CENATAC: variants seen among roughly 807,000 people sequenced by gnomAD.
The protein encoded by CENATAC is coiled-coil domain containing 84.
In CENATAC, 53 loss-of-function variants were observed where a neutral mutation model predicts 53.7. That is an observed-to-expected ratio of 0.99 (90% CI 0.79 to 1.24). CENATAC has a LOEUF of 1.24. CENATAC is among the 50% of genes most tolerant of loss of function. The pLI, the probability that CENATAC is intolerant of heterozygous loss-of-function variation, is 0.00. For missense variants in CENATAC, 474 were observed against 417.8 expected (o/e 1.13, Z -1.17); for synonymous variants, 156 against 144.6 (o/e 1.08, Z -0.57).
rs1376099368 is a variant in CENATAC at position 119,010,693 on chromosome 11, T to C, written c.384-71T>C. The stretch of plus-strand genomic sequence containing the variant: ...GGAATTTCTCAAAATTAAAAAAATA[T>C]CTACTGAGGAGCTTTTCGTTTTAAC... On this transcript the variant is annotated intron_variant, in intron 3 of 10. Transcript: ENST00000334418. The C allele has an allele frequency of 4.9e-5, 65 of 1,316,888 alleles. 1 individual carries two copies. Among genetic ancestry groups the C allele is most frequent in the Non-Finnish European group, 6.6e-5 (61 of 926,734 alleles). The allele number at this position is 1,316,888 out of a possible 1,614,324, so 81.6% of individuals were successfully genotyped here.
At chr11:119,014,798 C>G in intron 8 of CENATAC, 196 bp from the exon 9 acceptor site, 1 of 428,566 alleles carries the variant, frequency 2.3e-6, no homozygotes, top group Non-Finnish European at 4.1e-6. Flanking sequence ...GCCTCAAAGC[C>G]ATTTTAAAAT....
At chr11:119,002,054 T>A (rs910171697) in intron 3 of CENATAC, among the ~76,000 whole-genome samples, 1 of 151,368 alleles carries the variant, frequency 6.6e-6, no homozygotes, top group Non-Finnish European at 1.5e-5. Context: ...TGAAACCCCA[T>A]CCCTACTAAA....
At chr11:119,008,411 C>G (rs940579855) in intron 3 of CENATAC, among the ~76,000 whole-genome samples, 2 of 152,210 alleles carry the variant, frequency 1.3e-5, no homozygotes, top group African/African-American at 4.8e-5. Context: ...AGGGAAAGTA[C>G]TATGCCTGGA....
At chr11:119,002,871 C>A (rs550782779) in intron 3 of CENATAC, 11 of 301,280 alleles carry the variant, frequency 3.7e-5, no homozygotes, top group South Asian at 3.2e-4. Flanking sequence ...CTGCAACCTC[C>A]GCCTCACAGG....
rs369310743 is a variant in CENATAC at position 119,011,255 on chromosome 11, G to A, written c.485G>A (p.Arg162Gln). ...CAGATCCGTGAGGTGGAGCAGAGCC[G>A]ACAGGAGGTGGTTCGGTCTGTCTTA... ...AAQIREVEQS[R>Q]QEVVRSVLEP... The change falls in exon 5 of 11, where the codon CGA becomes CAA. Residue 162 changes from arginine to glutamine, a missense_variant. Coordinates refer to ENST00000334418, the MANE Select transcript of CENATAC (RefSeq NM_198489.3). 1.1e-4 allele frequency: 183 copies of A among 1,614,110 alleles called. 2 individuals are homozygous for A. Among genetic ancestry groups the A allele is most frequent in the Middle Eastern group, 6.6e-4 (4 of 6,062 alleles).
chr11:119,000,382 C>T (rs931191656), intron 3 of CENATAC, among the ~76,000 whole-genome samples: 4 of 151,064 alleles, frequency 2.6e-5, no homozygotes, highest in African/African-American at 9.7e-5. Context: ...TTGTGCAAAG[C>T]ATGCAGGGTT....
In CENATAC at chr11:119,014,802, T is replaced by G. The variant is rs1411678369; in HGVS notation, c.716-192T>G. ...ATGTCAGTTGTGCCTCAAAGCCATT[T>G]TAAAATGACTGTCACATATGGGGTA... is the stretch of plus-strand genomic sequence containing the variant. On this transcript the variant is annotated intron_variant, in intron 8 of 10. Transcript: ENST00000334418. 7 of 433,874 alleles carry G rather than the reference T, an allele frequency of 1.6e-5. No individual in the cohort carries two copies. In the Admixed American group the frequency reaches 2.4e-4, roughly 15 times the overall value. 26.9% of individuals were successfully genotyped at this position (433,874 alleles called of 1,614,324 possible).
Position 119,014,977 on chromosome 11 carries a change from CTTAA to C in CENATAC, c.716-14_716-11del. On this transcript the variant is annotated splice_polypyrimidine_tract_variant and intron_variant, in intron 8 of 10. Coordinates refer to ENST00000334418, the MANE Select transcript of CENATAC (RefSeq NM_198489.3). ...AAGACTTAAAAAAAAAAAAAAAAGC[CTTAA>C]TTTTTTTTTCAGGTGCCACACCTCC... is the stretch of plus-strand genomic sequence containing the variant. 1 of 1,420,334 alleles carries C rather than the reference CTTAA, an allele frequency of 7.0e-7. No homozygotes were observed. The highest frequency in any genetic ancestry group is 1.3e-5 in the South Asian group (1 of 75,540). The allele number at this position is 1,420,334 out of a possible 1,614,324, so 88.0% of individuals were successfully genotyped here.
rs782100370 is a variant in CENATAC, at chr11:118,999,022, A to C, written c.296A>C (p.Lys99Thr). 10 of 1,613,952 alleles carry C rather than the reference A, an allele frequency of 6.2e-6. No homozygotes were observed. The highest frequency in any genetic ancestry group is 8.5e-6 in the Non-Finnish European group (10 of 1,179,814). The stretch of plus-strand genomic sequence containing the variant: ...CTCTCCATTTTCAGCCCAGAGCACA[A>C]GAAAGCAACCAACAAATTCTGGTGG... ...LLEHLASPEH[K>T]KATNKFWWEN... The change falls in exon 3 of 11, where the codon AAG becomes ACG. Residue 99 changes from lysine (K) to threonine (T), a missense_variant. Physicochemically the swap from Lys to Thr is moderately conservative, Grantham distance 78. Transcript: ENST00000334418.
chr11:119,013,201 C>T lies in CENATAC; in HGVS notation c.685-31C>T, dbSNP rs1942956958. 6 of 1,576,654 alleles carry T rather than the reference C, an allele frequency of 3.8e-6. No homozygotes were observed. In the South Asian group the frequency reaches 4.5e-5, roughly 12 times the overall value. ...TTTTTTAATCATGCCTAGACTTTAACTAGCACTTTTTTTCCCATTTCCAAC... is the reference window on the plus strand; with the variant it reads ...TTTTTTAATCATGCCTAGACTTTAATTAGCACTTTTTTTCCCATTTCCAAC... On this transcript the variant is annotated intron_variant, in intron 7 of 10. Coordinates refer to ENST00000334418, the MANE Select transcript of CENATAC (RefSeq NM_198489.3).
At chr11:119,003,486 T>C (rs1359165528) in intron 3 of CENATAC, 17 of 432,798 alleles carry the variant, frequency 3.9e-5, no homozygotes, top group African/African-American at 2.9e-4. Context: ...TTCGTAGAGA[T>C]AGGGTGTCAC....
chr11:119,010,478 G>C (rs973110782), intron 3 of CENATAC: 2 of 428,950 alleles, frequency 4.7e-6, no homozygotes, highest in African/African-American at 3.9e-5. Flanking sequence ...ATGGTATCAT[G>C]GTTGTATAGA....
At chr11:119,010,612 A>G (rs1942822922) in intron 3 of CENATAC, 152 bp from the exon 4 acceptor site, 2 of 643,774 alleles carry the variant, frequency 3.1e-6, no homozygotes, top group Admixed American at 2.9e-5. Flanking sequence ...AATGTTTACA[A>G]GGACTCTGGG....
intron 5 of CENATAC, 75 bp from the exon 6 acceptor site, chr11:119,011,864 C>A (rs1000448558): frequency 1.5e-6 from 2 of 1,295,082 alleles, no homozygotes; most frequent in African/African-American, 1.5e-5. Flanking sequence ...ATACTGGGGT[C>A]TGGAGGGTGG....
At chr11:119,015,268 T>G (rs372993831) in intron 9 of CENATAC, 39 bp from the exon 10 acceptor site, 167 of 1,568,686 alleles carry the variant, frequency 1.1e-4, no homozygotes, top group Non-Finnish European at 1.4e-4. Flanking sequence ...TCTATATTCT[T>G]CAATAAAGAA....
chr11:119,015,243 T>C (rs1943104186), intron 9 of CENATAC, 64 bp from the exon 10 acceptor site: 11 of 1,522,210 alleles, frequency 7.2e-6, no homozygotes, highest in East Asian at 6.8e-5. Flanking sequence ...CTGGACAACA[T>C]AGTGAGACCC....
chr11:119,012,791 T>C, intron 7 of CENATAC: 1 of 166,890 alleles, frequency 6.0e-6, no homozygotes, highest in Non-Finnish European at 1.3e-5. Flanking sequence ...CTGCTTTCCT[T>C]CCCTCATCAC....
intron 3 of CENATAC, among the ~76,000 whole-genome samples, chr11:119,000,532 G>A (rs904109821): frequency 6.6e-6 from 1 of 150,576 alleles, no homozygotes; most frequent in Non-Finnish European, 1.5e-5. Context: ...AGGCATGGTG[G>A]CTCATGTGAA....
intron 3 of CENATAC, among the ~76,000 whole-genome samples, chr11:119,000,437 C>CTTT (rs138391837): frequency 1.5e-5 from 2 of 132,066 alleles, no homozygotes; most frequent in East Asian, 2.2e-4. Context: ...CATGAATTTC[C>CTTT]TTTTTTTTTT....
Sources: allele counts gnomAD v4.1 joint callset (sites outside exome capture counted in the v4.1 genomes callset), GRCh38; gene constraint gnomAD v4.1.1; transcripts MANE v1.5; gene names NCBI Gene and HGNC (gene_info 2026-07-23, HGNC 2026-07-21).